FOXM1: variants seen among roughly 807,000 people sequenced by gnomAD.
The protein encoded by FOXM1 is forkhead box protein M1.
In FOXM1, 25 loss-of-function variants were observed where a neutral mutation model predicts 63.6. The observed-to-expected ratio is 0.39, with a 90% CI of 0.29 to 0.55. The LOEUF is 0.55. Ranked by LOEUF, FOXM1 falls within the 20% of genes least tolerant of loss-of-function variation. The pLI is 0.60. For missense variants in FOXM1, 879 were observed against 958.7 expected (o/e 0.92, Z 1.10); for synonymous variants, 387 against 376.9 (o/e 1.03, Z -0.31).
intron 8 of FOXM1, chr12:2,863,716 CT>C (rs796609540): frequency 0.019 from 2,603 of 137,526 alleles, 56 homozygotes; most frequent in African/African-American, 0.059. Context: ...TCTTTCTTTT[CT>C]TTTTTTTTTT....
rs57569983 is a variant in FOXM1 at position 2,869,436 on chromosome 12, A to AT, written c.655-683dup. Among the ~76,000 whole-genome samples the AT allele has an allele frequency of 4.5e-3, 610 of 134,532 alleles. 4 individuals are homozygous for AT. The highest frequency in any genetic ancestry group is 0.034 in the South Asian group (141 of 4,172). 88.3% of individuals were successfully genotyped at this position (134,532 alleles called of 152,430 possible). ...AGGCATACACCACCACGCCCAGCTA[A>AT]TTTTTTTTTTTTTTTTGAGATGGAG... On this transcript the variant is annotated intron_variant, in intron 3 of 8. Coordinates refer to ENST00000359843, the MANE Select transcript of FOXM1 (RefSeq NM_021953.4).
chr12:2,868,745 G>T lies in FOXM1; in HGVS notation c.664C>A (p.Pro222Thr), dbSNP rs1204401834. 2 of 1,612,234 alleles carry T rather than the reference G, an allele frequency of 1.2e-6. No individual in the cohort carries two copies. The highest frequency in any genetic ancestry group is 8.5e-7 in the Non-Finnish European group (1 of 1,179,150). ...LEQRQVKVEE[P>T]SRPSASWQNS... ...TGCCAGGACGCTGATGGTCTCGAAG[G>T]CTCCTCAACCTGAGGGTTATGACAC... The change falls in exon 4 of 9, where the codon CCT becomes ACT. Residue 222 changes from proline (P) to threonine (T), a missense_variant. Pro to Thr is a conservative substitution (Grantham distance 38). This residue lies in a region of FOXM1 where 255 missense variants were observed against 292.4 expected (regional missense o/e 0.87). Transcript: ENST00000359843.
chr12:2,864,183 C>A lies in FOXM1; in HGVS notation c.1266+137G>T. On this transcript the variant is annotated intron_variant, in intron 8 of 8. Transcript: ENST00000359843. This position sits in a 1 kb window ranked among gnomAD's most constrained non-coding sequence, Gnocchi z 5.1. ...TAGCTCTTCTAATGCTATTACACTT[C>A]CCTATGTTTTTATGCCTTTTCTACC... 2.6e-6 allele frequency: 2 copies of A among 763,012 alleles called. No individual in the cohort carries two copies. The highest frequency in any genetic ancestry group is 4.3e-6 in the Non-Finnish European group (2 of 462,084). 47.3% of individuals were successfully genotyped at this position (763,012 alleles called of 1,614,324 possible).
chr12:2,868,489 C>A, intron 4 of FOXM1, 74 bp downstream of exon 4: 1 of 1,026,628 alleles, frequency 9.7e-7, no homozygotes, highest in Non-Finnish European at 1.4e-6. Flanking sequence ...GTCCCAGATA[C>A]AAGTTGCAGT....
chr12:2,870,138 G>GTAC (rs946880889), intron 3 of FOXM1, among the ~76,000 whole-genome samples: 4 of 151,628 alleles, frequency 2.6e-5, no homozygotes, highest in Admixed American at 2.6e-4. Context: ...TTATAGGCAT[G>GTAC]TACTACTGCA....
intron 3 of FOXM1, among the ~76,000 whole-genome samples, chr12:2,870,545 C>T (rs2098131333): frequency 6.6e-6 from 1 of 151,394 alleles, no homozygotes; most frequent in Non-Finnish European, 1.5e-5. Context: ...CGCCTATAGT[C>T]CCAGCTACTC....
intron 1 of FOXM1, chr12:2,876,239 C>T (rs1282983022): frequency 6.6e-6 from 1 of 152,062 alleles, no homozygotes; most frequent in East Asian, 1.9e-4. Context: ...GTTCACAGGC[C>T]CTCCACACCT....
chr12:2,864,707 T>C lies in FOXM1; in HGVS notation c.1066A>G (p.Lys356Glu). 6.2e-7 allele frequency: 1 copy of C among 1,614,178 alleles called. No homozygotes were observed. The highest frequency in any genetic ancestry group is 1.3e-5 in the African/African-American group (1 of 75,046). ...NPELRRNMTI[K>E]TELPLGARRK... ...CGTGCGCCCAGGGGGAGTTCGGTTT[T>C]GATGGTCATGTTCCGGCGGAGCTCT... is the stretch of plus-strand genomic sequence containing the variant. Residue 356 changes from lysine (K) to glutamate (E), a missense_variant, in exon 7 of 9, where the codon AAA (lysine) becomes GAA (glutamate). Coordinates refer to ENST00000359843, the MANE Select transcript of FOXM1 (RefSeq NM_021953.4). This position sits in a 1 kb window ranked among gnomAD's most constrained non-coding sequence, Gnocchi z 5.1.
At chr12:2,867,684 T>C (rs2098125836) in intron 4 of FOXM1, among the ~76,000 whole-genome samples, 4 of 144,994 alleles carry the variant, frequency 2.8e-5, no homozygotes, top group Non-Finnish European at 6.0e-5. Flanking sequence ...AACATAGTTC[T>C]ACCATGAGGG....
intron 8 of FOXM1, chr12:2,861,479 A>T (rs916970715): frequency 2.3e-5 from 11 of 488,192 alleles, no homozygotes; most frequent in African/African-American, 2.2e-4. Flanking sequence ...GATATAACCT[A>T]TACATATTAG....
Position 2,874,560 on chromosome 12 carries a change from T to C in FOXM1, c.-47-35A>G, listed in dbSNP as rs1202115163. ...GCAAATAGTGGCAAGATGTTAGAGA[T>C]TGTTTAGGCTGAGAAGAGGTCCTTT... On this transcript the variant is annotated intron_variant, in intron 1 of 8. Coordinates refer to ENST00000359843, the MANE Select transcript of FOXM1 (RefSeq NM_021953.4). The surrounding 1 kb of genome is among the most constrained non-coding windows in gnomAD (Gnocchi z 4.3). The C allele has an allele frequency of 6.3e-6, 9 of 1,429,784 alleles. No homozygotes were observed. Among genetic ancestry groups the C allele is most frequent in the African/African-American group, 2.8e-5 (2 of 70,182 alleles). 88.6% of individuals were successfully genotyped at this position (1,429,784 alleles called of 1,614,324 possible).
Position 2,859,448 on chromosome 12 carries a change from G to A in FOXM1, c.1482C>T (p.Phe494=). The A allele has an allele frequency of 6.2e-7, 1 of 1,613,998 alleles. No individual in the cohort carries two copies. Among genetic ancestry groups the A allele is most frequent in the Non-Finnish European group, 8.5e-7 (1 of 1,180,012 alleles). ...LEEWPSPAPS[F]KEESSHSWED... ...CCCAGGAGTGAGATGATTCCTCTTTGAAAGATGGGGCCGGGGAGGGCCACT... is the reference window on the plus strand; with the variant it reads ...CCCAGGAGTGAGATGATTCCTCTTTAAAAGATGGGGCCGGGGAGGGCCACT... The change falls in exon 9 of 9, where the codon TTC becomes TTT. Residue 494 remains phenylalanine, a synonymous_variant. Transcript: ENST00000359843.
At chr12:2,867,001 A>C (rs982326189) in intron 4 of FOXM1, among the ~76,000 whole-genome samples, 1 of 152,112 alleles carries the variant, frequency 6.6e-6, no homozygotes, top group Non-Finnish European at 1.5e-5. Flanking sequence ...AAAAATATAA[A>C]AATTAGCCAG....
In FOXM1 at chr12:2,874,045, G is replaced by A. The variant is rs1174742727; in HGVS notation, c.434C>T (p.Pro145Leu). ...AGGAAGATTCACATCCCTAGCTGCA[G>A]GTTTTGGTCCCAAGGTCTCCAGGGT... ...EVTLETLGPK[P>L]AARDVNLPRP... The change falls in exon 2 of 9, where the codon CCT becomes CTT. Residue 145 changes from proline (P) to leucine (L), a missense_variant. Around this residue, in one of 4 missense-constraint regions of FOXM1, gnomAD observed 255 missense variants for 292.4 expected, o/e 0.87. Transcript: ENST00000359843. The surrounding 1 kb of genome is among the most constrained non-coding windows in gnomAD (Gnocchi z 4.3). 2.5e-6 allele frequency: 4 copies of A among 1,614,144 alleles called. No homozygotes were observed. Among genetic ancestry groups the A allele is most frequent in the African/African-American group, 1.3e-5 (1 of 75,036 alleles).
intron 8 of FOXM1, 177 bp from the exon 9 acceptor site, chr12:2,859,840 T>A: frequency 3.4e-6 from 2 of 591,984 alleles, no homozygotes; most frequent in East Asian, 5.6e-5. Flanking sequence ...GATGCGGGTA[T>A]GTAGTATGTA....
chr12:2,865,326 A>G (rs2098121106), intron 6 of FOXM1, 29 bp downstream of exon 6: 1 of 1,596,434 alleles, frequency 6.3e-7, no homozygotes, highest in Non-Finnish European at 8.5e-7. Flanking sequence ...AACAAGGCCA[A>G]GCCCCGAGCC....
rs114104615 is a variant in FOXM1, at chr12:2,863,223, C to G, written c.1266+1097G>C. 6.3e-3 allele frequency among the ~76,000 whole-genome samples: 964 copies of G among 152,272 alleles called. 11 individuals are homozygous for G. The highest frequency in any genetic ancestry group is 9.1e-3 in the Non-Finnish European group (617 of 68,024). Reference sequence around the variant, plus strand: ...TCAGTGCACAGGACAGTCCCTCCCACGCCCAACAAAGAATTCTCCAGCTGT... The same window carrying G: ...TCAGTGCACAGGACAGTCCCTCCCAGGCCCAACAAAGAATTCTCCAGCTGT... On this transcript the variant is annotated intron_variant, in intron 8 of 8. Coordinates refer to ENST00000359843, the MANE Select transcript of FOXM1 (RefSeq NM_021953.4).
rs28990691 is a variant in FOXM1 at position 2,874,489 on chromosome 12, C to T, written c.-11G>A. The T allele has an allele frequency of 1.4e-5, 22 of 1,593,510 alleles. No individual in the cohort carries two copies. The East Asian group carries it at 1.8e-4, about 13-fold the overall frequency. On this transcript the variant is annotated 5_prime_UTR_variant, in exon 2 of 9. Transcript: ENST00000359843. This position sits in a 1 kb window ranked among gnomAD's most constrained non-coding sequence, Gnocchi z 4.3. ...GGGGCTAGTTTTCATTATGAATCTG[C>T]GTTTTCACTCTCCATTGAGAATCAC...
rs555339805 is a variant in FOXM1 at position 2,859,609 on chromosome 12, C to G, written c.1321G>C (p.Glu441Gln). 1 of 1,613,048 alleles carries G rather than the reference C, an allele frequency of 6.2e-7. No homozygotes were observed. The highest frequency in any genetic ancestry group is 1.1e-5 in the South Asian group (1 of 90,868). ...CCTTCTCCAAACAGGAGTTTCTCCTCTTTCCCTGGTCCTGCAGAAGAAAGA... is the reference window on the plus strand; with the variant it reads ...CCTTCTCCAAACAGGAGTTTCTCCTGTTTCCCTGGTCCTGCAGAAGAAAGA... ...APLSSAGPGKEEKLLFGEGFS... is the reference protein window; with the variant it reads ...APLSSAGPGKQEKLLFGEGFS... Residue 441 changes from glutamate (E) to glutamine (Q), a missense_variant, in exon 9 of 9, where the codon GAG (glutamate) becomes CAG (glutamine). By Grantham distance (29) the Glu-to-Gln change is conservative (BLOSUM62 2). This residue lies in a region of FOXM1 where 486 missense variants were observed against 453.5 expected (regional missense o/e 1.07). Coordinates refer to ENST00000359843, the MANE Select transcript of FOXM1 (RefSeq NM_021953.4).
Sources: gnomAD v4.1 joint callset for allele counts (sites outside exome capture counted in the v4.1 genomes callset) on GRCh38, gnomAD v4.1.1 for gene constraint, gnomAD v4.1.1 regional missense constraint, Gnocchi (gnomAD v3.1) non-coding constraint, MANE v1.5 for transcripts, NCBI Gene and HGNC (gene_info 2026-07-23, HGNC 2026-07-21) for gene names.